The following SARM1 variants were observed in gnomAD, a reference collection of about 807,000 sequenced individuals.
The protein encoded by SARM1 is sterile alpha and TIR motif containing 1.
A neutral mutation model predicts 65.1 loss-of-function variants in SARM1; 60 were observed. That is an observed-to-expected ratio of 0.92 (90% CI 0.75 to 1.14). SARM1 has a LOEUF of 1.14. Ranked by LOEUF, SARM1 falls within the 50% of genes most tolerant of loss-of-function variation. The probability of loss-of-function intolerance (pLI) is 0.00; values close to 1 mark genes in which losing one functional copy is unlikely to be tolerated. For synonymous variants in SARM1, 417 were observed against 465.4 expected (o/e 0.90, Z 1.34); for missense variants, 913 against 1,015.7 (o/e 0.90, Z 1.37).
chr17:28,400,776 A>G lies in SARM1; in HGVS notation c.*4490A>G, dbSNP rs1555589438. The G allele has an allele frequency of 1.3e-6, 2 of 1,556,250 alleles. No individual in the cohort carries two copies. The highest frequency in any genetic ancestry group is 2.4e-5 in the South Asian group (2 of 84,566). On this transcript the variant is annotated 3_prime_UTR_variant, in exon 9 of 9. Transcript: ENST00000585482. ...GCAGAAAAGAGAGCACCTGTGAAGAAATAAATACCATACTCTGGAGTCCGA... is the reference window on the plus strand; with the variant it reads ...GCAGAAAAGAGAGCACCTGTGAAGAGATAAATACCATACTCTGGAGTCCGA...
At chr17:28,380,911 C>T (rs1253045687) in intron 1 of SARM1, among the ~76,000 whole-genome samples, 4 of 152,180 alleles carry the variant, frequency 2.6e-5, no homozygotes, top group African/African-American at 9.7e-5. Flanking sequence ...GAGAAGAAAC[C>T]AGGACCCAGG....
At position 28,400,574 on chromosome 17, in the gene SARM1, C is replaced by A; in HGVS notation, c.*4288C>A. 6.2e-7 allele frequency: 1 copy of A among 1,610,686 alleles called. No individual in the cohort carries two copies. The highest frequency in any genetic ancestry group is 8.5e-7 in the Non-Finnish European group (1 of 1,178,238). Reference sequence around the variant, plus strand: ...AAGAGGAAACTTTTAAGAGAAAGGGCTCCATTATGAGCATGGGTTCAGGGC... The same window carrying A: ...AAGAGGAAACTTTTAAGAGAAAGGGATCCATTATGAGCATGGGTTCAGGGC... On this transcript the variant is annotated 3_prime_UTR_variant, in exon 9 of 9. Transcript: ENST00000585482.
chr17:28,394,456 A>G (rs2068097922), intron 7 of SARM1, among the ~76,000 whole-genome samples: 1 of 152,260 alleles, frequency 6.6e-6, no homozygotes, highest in Non-Finnish European at 1.5e-5. Flanking sequence ...TCCCACACTA[A>G]CCACTAATTC....
At position 28,372,210 on chromosome 17, in the gene SARM1, G is replaced by C. The variant is rs1430832648; in HGVS notation, c.178G>C (p.Glu60Gln). 3 of 1,377,822 alleles carry C rather than the reference G, an allele frequency of 2.2e-6. No homozygotes were observed. The African/African-American group carries it at 4.6e-5, about 21-fold the overall frequency. The allele number at this position is 1,377,822 out of a possible 1,614,324, so 85.3% of individuals were successfully genotyped here. A position where few individuals can be genotyped will look rare whatever the true frequency, so the allele number is the denominator to read the frequency against. Residue 60 changes from glutamate (E) to glutamine (Q), a missense_variant, in exon 1 of 9, where the codon GAG becomes CAG. Glu to Gln is a conservative substitution (Grantham distance 29). Transcript: ENST00000585482. The surrounding 1 kb of genome is among the most constrained non-coding windows in gnomAD (Gnocchi z 5.2). ...PREVSPGAGT[E>Q]VQDALERALP... ...CGAAGTGTCGCCGGGGGCAGGCACCGAGGTGCAGGACGCCCTGGAGCGCGC... is the reference window on the plus strand; with the variant it reads ...CGAAGTGTCGCCGGGGGCAGGCACCCAGGTGCAGGACGCCCTGGAGCGCGC...
Position 28,400,915 on chromosome 17 carries a change from G to A in SARM1, c.*4629G>A. On this transcript the variant is annotated 3_prime_UTR_variant, in exon 9 of 9. Transcript: ENST00000585482. ...TAAATCCTGCTACATCATGTACTGT[G>A]ACAAGGATTCAGTAAGGTCATATGT... 1.4e-6 allele frequency: 1 copy of A among 739,924 alleles called. No homozygotes were observed. The highest frequency in any genetic ancestry group is 2.3e-6 in the Non-Finnish European group (1 of 426,452). 45.8% of individuals were successfully genotyped at this position (739,924 alleles called of 1,614,324 possible).
At position 28,384,814 on chromosome 17, in the gene SARM1, T is replaced by C; in HGVS notation, c.1303-25T>C. ...TCCAAGGGCGGAGTAGCGAAGCCCT[T>C]CCTGACACCCGACTCCTCCCCCAGG... On this transcript the variant is annotated intron_variant, in intron 3 of 8. Transcript: ENST00000585482. The surrounding 1 kb of genome is among the most constrained non-coding windows in gnomAD (Gnocchi z 4.4). The C allele has an allele frequency of 1.3e-6, 2 of 1,549,172 alleles. No homozygotes were observed. The highest frequency in any genetic ancestry group is 1.7e-6 in the Non-Finnish European group (2 of 1,144,740).
At chr17:28,388,639 T>A in intron 7 of SARM1, 100 bp downstream of exon 7, 1 of 1,286,928 alleles carries the variant, frequency 7.8e-7, no homozygotes, top group Non-Finnish European at 1.1e-6. Context: ...CCGGCACACT[T>A]AGCCCTGAAG....
intron 2 of SARM1, 91 bp downstream of exon 2, chr17:28,381,912 A>G (rs1013380605): frequency 8.2e-6 from 11 of 1,344,720 alleles, no homozygotes; most frequent in Non-Finnish European, 9.6e-6. Flanking sequence ...GGGTCTTGAA[A>G]TACACATCAG....
chr17:28,392,363 G>A (rs909114964), intron 7 of SARM1, among the ~76,000 whole-genome samples: 3 of 152,030 alleles, frequency 2.0e-5, no homozygotes, highest in Non-Finnish European at 2.9e-5. Flanking sequence ...TGATCCGCCC[G>A]CCTTGGCCTC....
Position 28,402,244 on chromosome 17 carries a change from C to A in SARM1, c.*5958C>A. On this transcript the variant is annotated 3_prime_UTR_variant, in exon 9 of 9. Transcript: ENST00000585482. ...GGTGGGTTCTGACACTCACCCTGCT[C>A]TGTCTCTCTCACCAGCTTGGAGAGT... 6.2e-7 allele frequency: 1 copy of A among 1,612,968 alleles called. No individual in the cohort carries two copies. Among genetic ancestry groups the A allele is most frequent in the East Asian group, 2.2e-5 (1 of 44,874 alleles).
chr17:28,399,850 G>T lies in SARM1; in HGVS notation c.*3564G>T, dbSNP rs1026576413. On this transcript the variant is annotated 3_prime_UTR_variant, in exon 9 of 9. Coordinates refer to ENST00000585482, the MANE Select transcript of SARM1 (RefSeq NM_015077.4). ...ACCTCCTCCTTCCCCAAGCTGAGAA[G>T]CTGAGAGCTGGAGGACAATATCCAG... 2.4e-6 allele frequency: 2 copies of T among 837,010 alleles called. No homozygotes were observed. The highest frequency in any genetic ancestry group is 2.5e-5 in the East Asian group (1 of 39,250). The allele number at this position is 837,010 out of a possible 1,614,324, so 51.8% of individuals were successfully genotyped here.
In SARM1 at chr17:28,396,344, G is replaced by A. The variant is rs1259217869; in HGVS notation, c.*58G>A. Reference sequence around the variant, plus strand: ...TCCATTTCCATCGTCCTTTCTGAAGGAACAGCTCCTGAAACCAGTCTCCCT... The same window carrying A: ...TCCATTTCCATCGTCCTTTCTGAAGAAACAGCTCCTGAAACCAGTCTCCCT... On this transcript the variant is annotated 3_prime_UTR_variant, in exon 9 of 9. Coordinates refer to ENST00000585482, the MANE Select transcript of SARM1 (RefSeq NM_015077.4). 3.2e-5 allele frequency: 52 copies of A among 1,602,222 alleles called. No individual in the cohort carries two copies. In the South Asian group the frequency reaches 4.6e-4, roughly 14 times the overall value.
At chr17:28,396,108 A>G (rs781831508) in intron 8 of SARM1, 49 bp from the exon 9 acceptor site, 2 of 1,613,738 alleles carry the variant, frequency 1.2e-6, no homozygotes, top group Non-Finnish European at 1.7e-6. Flanking sequence ...GCTGACTAGC[A>G]GCTCCCTCTG....
chr17:28,381,503 C>G lies in SARM1; in HGVS notation c.771C>G (p.Leu257=), dbSNP rs782024705. 6.4e-7 allele frequency: 1 copy of G among 1,560,064 alleles called. No homozygotes were observed. The highest frequency in any genetic ancestry group is 1.7e-4 in the Middle Eastern group (1 of 5,990). The change falls in exon 2 of 9, where the codon CTC becomes CTG. Residue 257 remains leucine (L), a synonymous_variant. Transcript: ENST00000585482. ...GCGCAGCCGAGTGGCTCTTCCCGCT[C>G]GCCTTCTCCAAGGAGGACGAGCTGC... ...EKRAAEWLFP[L]AFSKEDELLR...
rs1555585200 is a variant in SARM1 at position 28,381,350 on chromosome 17, C to T, written c.618C>T (p.Gly206=). The part of the protein sequence containing the change: ...EETCQRLVAA[G]GLDAVLYWCR... ...CATGCCAGAGGCTGGTGGCGGCCGG[C>T]GGCCTGGACGCGGTGCTGTATTGGT... Residue 206 remains glycine, a synonymous_variant, in exon 2 of 9, where the codon GGC becomes GGT. Transcript: ENST00000585482. 1 of 1,580,764 alleles carries T rather than the reference C, an allele frequency of 6.3e-7. No individual in the cohort carries two copies. The highest frequency in any genetic ancestry group is 1.9e-5 in the Admixed American group (1 of 53,800).
intron 1 of SARM1, among the ~76,000 whole-genome samples, chr17:28,377,544 CA>C (rs1219875496): frequency 6.6e-6 from 1 of 152,242 alleles, no homozygotes; most frequent in East Asian, 1.9e-4. Flanking sequence ...GCCAAGGCTG[CA>C]GTGAGCTGTG....
rs1441160653 is a variant in SARM1 at position 28,384,485 on chromosome 17, G to C, written c.1218G>C (p.Leu406=). Residue 406 remains leucine, a synonymous_variant, in exon 3 of 9, where the codon CTG becomes CTC. Transcript: ENST00000585482. The surrounding 1 kb of genome is among the most constrained non-coding windows in gnomAD (Gnocchi z 4.4). ...LLGEEVPRPI[L]PSVPSWKEAE... ...GCGAGGAGGTGCCACGGCCCATCCTGCCCTCCGTGCCCAGCTGGAAGGAGG... is the reference window on the plus strand; with the variant it reads ...GCGAGGAGGTGCCACGGCCCATCCTCCCCTCCGTGCCCAGCTGGAAGGAGG... The C allele has an allele frequency of 1.1e-5, 18 of 1,613,712 alleles. No individual in the cohort carries two copies. The highest frequency in any genetic ancestry group is 1.5e-5 in the Non-Finnish European group (18 of 1,179,740).
In SARM1 at chr17:28,384,218, G is replaced by T; in HGVS notation, c.1090-139G>T. ...GGAGGGGGAATCCGCAGGACCCCATGACTTAGTGGCTGAAGGTGGGGCCAG... is the reference window on the plus strand; with the variant it reads ...GGAGGGGGAATCCGCAGGACCCCATTACTTAGTGGCTGAAGGTGGGGCCAG... On this transcript the variant is annotated intron_variant, in intron 2 of 8. Transcript: ENST00000585482. This position sits in a 1 kb window ranked among gnomAD's most constrained non-coding sequence, Gnocchi z 4.4. 2 of 640,382 alleles carry T rather than the reference G, an allele frequency of 3.1e-6. No homozygotes were observed. The highest frequency in any genetic ancestry group is 5.2e-6 in the Non-Finnish European group (2 of 383,066). 39.7% of individuals were successfully genotyped at this position (640,382 alleles called of 1,614,324 possible). A position where few individuals can be genotyped will look rare whatever the true frequency, so the allele number is the denominator to read the frequency against.
chr17:28,373,999 G>C (rs1244016952), intron 1 of SARM1: 2 of 152,226 alleles, frequency 1.3e-5, no homozygotes, highest in African/African-American at 4.8e-5. Flanking sequence ...AGGCGCCGTG[G>C]CTCACGCCTG....
Sources: gnomAD v4.1 joint callset for allele counts (sites outside exome capture counted in the v4.1 genomes callset) on GRCh38, gnomAD v4.1.1 for gene constraint, Gnocchi (gnomAD v3.1) non-coding constraint, MANE v1.5 for transcripts, NCBI Gene and HGNC (gene_info 2026-07-23, HGNC 2026-07-21) for gene names.